Variants in TUSC3 observed in about 807,000 individuals in gnomAD.
TUSC3 encodes tumor suppressor candidate 3, also known as dolichyl-diphosphooligosaccharide--protein glycosyltransferase subunit TUSC3.
Under a neutral mutation model 44.8 loss-of-function variants are expected in TUSC3, and 45 were observed. The observed-to-expected ratio is 1.00, with a 90% CI of 0.79 to 1.29. TUSC3 has a LOEUF of 1.29. Among genes scored for constraint, TUSC3 ranks in the 50% most tolerant of loss-of-function variants. TUSC3 has a pLI of 0.00. For synonymous variants in TUSC3, 212 were observed against 152.9 expected (o/e 1.39, Z -2.85); for missense variants, 519 against 437.9 (o/e 1.19, Z -1.65).
intron 1 of TUSC3, among the ~76,000 whole-genome samples, chr8:15,620,222 C>T (rs1805183436): frequency 6.6e-6 from 1 of 152,296 alleles, no homozygotes; most frequent in Non-Finnish European, 1.5e-5. Context: ...TATATTAATA[C>T]ATTGCAGATA....
At chr8:15,426,917 G>A (rs1799810270) in intron 1 of TUSC3, among the ~76,000 whole-genome samples, 1 of 152,192 alleles carries the variant, frequency 6.6e-6, no homozygotes, top group African/African-American at 2.4e-5. Context: ...CCTAACAGGT[G>A]TGAGGGAAAA....
chr8:15,667,976 C>G (rs1007898437), intron 5 of TUSC3, among the ~76,000 whole-genome samples: 1 of 151,648 alleles, frequency 6.6e-6, no homozygotes, highest in African/African-American at 2.4e-5. Flanking sequence ...ATGGTGTTCT[C>G]AGCTCACCAC....
chr8:15,504,049 C>T (rs1351847225), intron 2 of TUSC3, among the ~76,000 whole-genome samples: 2 of 149,426 alleles, frequency 1.3e-5, no homozygotes, highest in African/African-American at 2.5e-5. Flanking sequence ...TAGAAAAGAA[C>T]ACACCGTTTA....
chr8:15,486,943 T>C (rs1411396374), intron 2 of TUSC3, among the ~76,000 whole-genome samples: 1 of 152,240 alleles, frequency 6.6e-6, no homozygotes, highest in Non-Finnish European at 1.5e-5. Flanking sequence ...TGCATCTTTT[T>C]AATATAACCG....
intron 2 of TUSC3, among the ~76,000 whole-genome samples, chr8:15,504,066 C>G (rs867143202): frequency 6.6e-6 from 1 of 151,522 alleles, no homozygotes; most frequent in Non-Finnish European, 1.5e-5. Context: ...TTTATTTATC[C>G]TATCCACTGC....
intron 6 of TUSC3, among the ~76,000 whole-genome samples, chr8:15,682,356 T>C (rs1808461178): frequency 6.6e-6 from 1 of 152,168 alleles, no homozygotes; most frequent in Admixed American, 6.5e-5. Context: ...TAATTTTGGA[T>C]TCATATATAT....
chr8:15,631,668 TTGTGTGTGTGTGTGTGTGTGTGTGTGTG>T (rs147004169), intron 2 of TUSC3, among the ~76,000 whole-genome samples: 1 of 145,114 alleles, frequency 6.9e-6, no homozygotes, highest in Middle Eastern at 3.2e-3. Flanking sequence ...TTTAAGGCTG[TTGTGTGTGTGTGTGTGTGTGTGTGTGTG>T]TGTGTGTGTG....
chr8:15,836,454 G>A, the TUSC3 span, among the ~76,000 whole-genome samples: 1 of 146,660 alleles, frequency 6.8e-6, no homozygotes, highest in African/African-American at 2.5e-5. Flanking sequence ...TCCAGCCTGG[G>A]CAACAGAGTG....
intron 6 of TUSC3, among the ~76,000 whole-genome samples, chr8:15,704,255 G>T (rs796453966): frequency 5.8e-4 from 79 of 137,066 alleles, no homozygotes; most frequent in African/African-American, 1.8e-3. Context: ...ATTCTTAATG[G>T]TTTTTTTTTT....
At chr8:15,792,006 T>TA in the TUSC3 span, among the ~76,000 whole-genome samples, 7 of 151,764 alleles carry the variant, frequency 4.6e-5, no homozygotes, top group East Asian at 3.9e-4. Context: ...CTTTCTAACA[T>TA]AAAAAAAAGC....
chr8:15,465,821 G>T (rs1291851248), intron 1 of TUSC3, among the ~76,000 whole-genome samples: 3 of 152,080 alleles, frequency 2.0e-5, no homozygotes, highest in African/African-American at 7.2e-5. Context: ...TGCTGACTTG[G>T]TTGATTTTTC....
In TUSC3 at chr8:15,443,364, G is replaced by C. The variant is rs1033636032; in HGVS notation, n.91+26059G>C. On this transcript the variant is annotated intron_variant and non_coding_transcript_variant, in intron 1 of 5. Coordinates refer to the TUSC3 transcript ENST00000503191. ...TGTGTGTGTGTGTGTGTGTGTGTGT[G>C]TGTGTGTGTGTGTGTGTAAAGATGG... is the stretch of plus-strand genomic sequence containing the variant. 7.3e-5 allele frequency among the ~76,000 whole-genome samples: 11 copies of C among 151,312 alleles called. No individual in the cohort carries two copies. The South Asian group carries it at 1.0e-3, about 14-fold the overall frequency.
chr8:15,460,520 C>A (rs1487352734), intron 1 of TUSC3, among the ~76,000 whole-genome samples: 2 of 152,116 alleles, frequency 1.3e-5, no homozygotes, highest in Non-Finnish European at 2.9e-5. Context: ...TTTTGCCGTG[C>A]AAAACTCTTT....
chr8:15,502,217 G>A (rs531922905), intron 2 of TUSC3, among the ~76,000 whole-genome samples: 1 of 152,280 alleles, frequency 6.6e-6, no homozygotes, highest in South Asian at 2.1e-4. Context: ...TTTTGCTGAA[G>A]TCTACAAACT....
intron 1 of TUSC3, among the ~76,000 whole-genome samples, chr8:15,555,598 G>A (rs1046135574): frequency 6.6e-6 from 1 of 151,492 alleles, no homozygotes; most frequent in Admixed American, 6.6e-5. Flanking sequence ...ATGAGAAATT[G>A]TTAGGCAGTT....
intron 1 of TUSC3, among the ~76,000 whole-genome samples, chr8:15,605,235 C>A (rs1027887567): frequency 6.6e-6 from 1 of 151,768 alleles, no homozygotes; most frequent in Non-Finnish European, 1.5e-5. Context: ...TAACTCATGC[C>A]GCTACCTGGC....
intron 9 of TUSC3, chr8:15,748,785 G>C (rs759197712): frequency 1.9e-6 from 1 of 530,008 alleles, no homozygotes; most frequent in Non-Finnish European, 3.7e-6. Context: ...GACTTCATTT[G>C]CAAGATTGTT....
rs1365359095 is a variant in TUSC3 at position 15,560,305 on chromosome 8, T to C, written c.138+19737T>C. 1.4e-5 allele frequency among the ~76,000 whole-genome samples: 2 copies of C among 142,512 alleles called. 1 individual carries two copies. The highest frequency in any genetic ancestry group is 1.4e-4 in the Admixed American group (2 of 14,276). The allele number at this position is 142,512 out of a possible 152,430, so 93.5% of individuals were successfully genotyped here. On this transcript the variant is annotated intron_variant, in intron 1 of 10. Transcript: ENST00000503731. ...TATGAAATTCTGGGTTGAAATTTCT[T>C]GTCTTTAAGAATGTTGAATATTGGC... is the stretch of plus-strand genomic sequence containing the variant.
chr8:15,688,604 G>A (rs1436217235), intron 6 of TUSC3, among the ~76,000 whole-genome samples: 1 of 151,990 alleles, frequency 6.6e-6, no homozygotes, highest in Non-Finnish European at 1.5e-5. Context: ...CCTAGTATCT[G>A]TTGTTTCTGT....
Sources: allele counts gnomAD v4.1 joint callset (sites outside exome capture counted in the v4.1 genomes callset), GRCh38; gene constraint gnomAD v4.1.1; transcripts MANE v1.5; gene names NCBI Gene and HGNC (gene_info 2026-07-23, HGNC 2026-07-21).